Variants in SIPA1L2 observed in about 807,000 individuals in gnomAD.
The protein encoded by SIPA1L2 is signal induced proliferation associated 1 like 2, also known as signal-induced proliferation-associated 1-like protein 2.
A neutral mutation model predicts 163.9 loss-of-function variants in SIPA1L2; 56 were observed. The ratio of observed to expected loss-of-function variants is 0.34; its 90% CI spans 0.28 to 0.43. SIPA1L2 has a LOEUF of 0.43. Ranked by LOEUF, SIPA1L2 falls within the 20% of genes least tolerant of loss-of-function variation. The pLI, the probability that SIPA1L2 is intolerant of heterozygous loss-of-function variation, is 1.00. For missense variants in SIPA1L2, 1,974 were observed against 2,193.5 expected, an observed-to-expected ratio of 0.90 and a Z score of 2.00; for synonymous variants, 877 against 865.7, an observed-to-expected ratio of 1.01 and a Z score of -0.23.
intron 1 of SIPA1L2, among the ~76,000 whole-genome samples, chr1:232,617,248 C>A (rs1331742022): frequency 2.0e-5 from 3 of 152,202 alleles, no homozygotes; most frequent in Non-Finnish European, 2.9e-5. Flanking sequence ...GCCAGGCCCG[C>A]AGCAAGTGTC....
At chr1:232,498,981 T>C (rs1383477709) in intron 3 of SIPA1L2, among the ~76,000 whole-genome samples, 1 of 152,198 alleles carries the variant, frequency 6.6e-6, no homozygotes, top group African/African-American at 2.4e-5. Context: ...AGTGGATGTC[T>C]CAACTGTGTG....
At chr1:232,507,680 A>G (rs1244279683) in intron 3 of SIPA1L2, among the ~76,000 whole-genome samples, 1 of 152,248 alleles carries the variant, frequency 6.6e-6, no homozygotes, top group Non-Finnish European at 1.5e-5. Context: ...CTGTGCTTCT[A>G]TCAAGCTGGT....
intron 1 of SIPA1L2, among the ~76,000 whole-genome samples, chr1:232,603,163 T>C (rs1374118722): frequency 6.6e-6 from 1 of 152,094 alleles, no homozygotes; most frequent in Non-Finnish European, 1.5e-5. Flanking sequence ...TGACAGCACA[T>C]ACTAAGACAA....
chr1:232,425,690 T>G lies in SIPA1L2; in HGVS notation c.4529A>C (p.Asp1510Ala). The G allele has an allele frequency of 6.2e-7, 1 of 1,613,914 alleles. No homozygotes were observed. The highest frequency in any genetic ancestry group is 8.5e-7 in the Non-Finnish European group (1 of 1,179,964). Reference protein sequence around the residue: ...SFGSSRSSVLDQALPNDILFS... With the variant: ...SFGSSRSSVLAQALPNDILFS... The stretch of plus-strand genomic sequence containing the variant: ...CAGAATGTCGTTGGGCAGGGCCTGG[T>G]CAAGCACGGAACTCCGGGAACTGCC... Residue 1510 changes from aspartate (D) to alanine (A), a missense_variant, in exon 18 of 23, where the codon GAC becomes GCC. By Grantham distance (126) the Asp-to-Ala change is moderately radical. Coordinates refer to ENST00000674635, the MANE Select transcript of SIPA1L2 (RefSeq NM_020808.5).
At chr1:232,546,102 T>A (rs1658016528) in intron 2 of SIPA1L2, among the ~76,000 whole-genome samples, 2 of 152,216 alleles carry the variant, frequency 1.3e-5, no homozygotes, top group African/African-American at 4.8e-5. Context: ...CCTGTCTAAA[T>A]CTTCAGGCTA....
At chr1:232,548,433 G>T (rs759879050) in intron 2 of SIPA1L2, among the ~76,000 whole-genome samples, 3 of 152,282 alleles carry the variant, frequency 2.0e-5, no homozygotes, top group Middle Eastern at 3.4e-3. Flanking sequence ...GTGAAACCCA[G>T]AGTATCTTTA....
intron 1 of SIPA1L2, among the ~76,000 whole-genome samples, chr1:232,581,207 T>C (rs980669213): frequency 2.6e-5 from 4 of 152,210 alleles, no homozygotes; most frequent in Admixed American, 1.3e-4. Context: ...CTTGATGTCA[T>C]GCTGTCCCCT....
chr1:232,407,482 G>T (rs1483808348), intron 19 of SIPA1L2, among the ~76,000 whole-genome samples: 1 of 152,146 alleles, frequency 6.6e-6, no homozygotes, highest in East Asian at 1.9e-4. Flanking sequence ...GAAACCAAGG[G>T]CCTAAAGAAC....
intron 2 of SIPA1L2, among the ~76,000 whole-genome samples, chr1:232,552,999 C>T (rs1477953683): frequency 1.3e-5 from 2 of 152,192 alleles, no homozygotes; most frequent in African/African-American, 2.4e-5. Context: ...TTTAGCTCTG[C>T]CATCTGCAGA....
chr1:232,535,702 C>A (rs1376300281), intron 2 of SIPA1L2, among the ~76,000 whole-genome samples: 4 of 152,170 alleles, frequency 2.6e-5, no homozygotes, highest in Middle Eastern at 3.2e-3. Flanking sequence ...GCCAGACATT[C>A]AGTTCACATC....
chr1:232,533,869 C>T (rs1657132163), intron 2 of SIPA1L2, among the ~76,000 whole-genome samples: 4 of 152,168 alleles, frequency 2.6e-5, no homozygotes, highest in African/African-American at 7.2e-5. Flanking sequence ...AAGGTATACT[C>T]TTGCCAACAG....
At chr1:232,609,156 A>T (rs1662114178) in intron 1 of SIPA1L2, among the ~76,000 whole-genome samples, 1 of 152,188 alleles carries the variant, frequency 6.6e-6, no homozygotes, top group Non-Finnish European at 1.5e-5. Flanking sequence ...ACTAATTAAG[A>T]TCATTAGGAT....
intron 1 of SIPA1L2, among the ~76,000 whole-genome samples, chr1:232,610,417 C>A (rs531292093): frequency 6.6e-6 from 1 of 152,064 alleles, no homozygotes; most frequent in East Asian, 1.9e-4. Flanking sequence ...CTGGGCTGGA[C>A]GCCAGGTTTC....
chr1:232,614,347 A>G (rs2102879090), intron 1 of SIPA1L2, among the ~76,000 whole-genome samples: 2 of 152,358 alleles, frequency 1.3e-5, no homozygotes, highest in East Asian at 3.9e-4. Context: ...TCAGCAGGCC[A>G]GTTTTCCTCA....
chr1:232,428,082 A>C (rs1488341806), intron 17 of SIPA1L2, among the ~76,000 whole-genome samples: 1 of 152,138 alleles, frequency 6.6e-6, no homozygotes, highest in African/African-American at 2.4e-5. Context: ...TCCTTTTTTC[A>C]GATGAGAGCA....
intron 10 of SIPA1L2, among the ~76,000 whole-genome samples, chr1:232,459,781 G>C (rs1299903624): frequency 1.3e-5 from 2 of 152,106 alleles, no homozygotes; most frequent in African/African-American, 4.8e-5. Flanking sequence ...CCAAAGTGCT[G>C]GGATTACAGG....
rs149794722 is a variant in SIPA1L2, at chr1:232,548,637, G to A, written c.-270+25537C>T. Reference sequence around the variant, plus strand: ...TATATACTAACGCCCCTACCTGAAGGCAGATAACAAGCCCAGCACTGCAGG... The same window carrying A: ...TATATACTAACGCCCCTACCTGAAGACAGATAACAAGCCCAGCACTGCAGG... On this transcript the variant is annotated intron_variant, in intron 2 of 22. Coordinates refer to ENST00000674635, the MANE Select transcript of SIPA1L2 (RefSeq NM_020808.5). Among the ~76,000 whole-genome samples, 842 of 152,182 alleles carry A rather than the reference G, an allele frequency of 5.5e-3. 10 individuals carry two copies. The highest frequency in any genetic ancestry group is 0.048 in the Middle Eastern group (14 of 294).
chr1:232,444,064 G>GT (rs1663063802), intron 11 of SIPA1L2, among the ~76,000 whole-genome samples: 2 of 152,218 alleles, frequency 1.3e-5, no homozygotes, highest in South Asian at 4.2e-4. Flanking sequence ...AACAAGTCAC[G>GT]TTTTAGTTCT....
At chr1:232,520,500 T>C (rs1414555058) in intron 2 of SIPA1L2, among the ~76,000 whole-genome samples, 1 of 152,200 alleles carries the variant, frequency 6.6e-6, no homozygotes, top group Non-Finnish European at 1.5e-5. Flanking sequence ...TTTTCGACGT[T>C]TTCCATGAGA....
Sources: allele counts gnomAD v4.1 joint callset (sites outside exome capture counted in the v4.1 genomes callset), GRCh38; gene constraint gnomAD v4.1.1; transcripts MANE v1.5; gene names NCBI Gene and HGNC (gene_info 2026-07-23, HGNC 2026-07-21).